DLG2: variants seen among roughly 807,000 people sequenced by gnomAD.
The protein encoded by DLG2 is disks large homolog 2.
In DLG2, 45 loss-of-function variants were observed where a neutral mutation model predicts 132.5. The observed-to-expected ratio is 0.34, with a 90% CI of 0.27 to 0.44. The LOEUF is 0.44. DLG2 is among the 20% of genes least tolerant of loss of function. The probability of loss-of-function intolerance (pLI) is 1.00; values close to 1 mark genes in which losing one functional copy is unlikely to be tolerated. For missense variants in DLG2, 1,045 were observed against 1,196.9 expected (o/e 0.87, Z 1.87); for synonymous variants, 424 against 419.6 (o/e 1.01, Z -0.13).
At chr11:83,668,505 G>A (rs2153567106) in intron 18 of DLG2, among the ~76,000 whole-genome samples, 1 of 152,132 alleles carries the variant, frequency 6.6e-6, no homozygotes, top group Non-Finnish European at 1.5e-5. Context: ...CTACTAAGTA[G>A]AGGTAATCAC....
chr11:84,618,183 T>C (rs926379283), intron 6 of DLG2, among the ~76,000 whole-genome samples: 2 of 151,886 alleles, frequency 1.3e-5, no homozygotes, highest in African/African-American at 4.8e-5. Flanking sequence ...TATGAGTAAG[T>C]AGAAGGAAAG....
At chr11:84,423,022 A>T (rs1369097757) in intron 7 of DLG2, among the ~76,000 whole-genome samples, 1 of 152,180 alleles carries the variant, frequency 6.6e-6, no homozygotes, top group African/African-American at 2.4e-5. Context: ...ACATTCTCAG[A>T]ATAACTGTAA....
At chr11:85,079,596 C>T (rs2066986967) in intron 6 of DLG2, among the ~76,000 whole-genome samples, 1 of 151,740 alleles carries the variant, frequency 6.6e-6, no homozygotes, top group South Asian at 2.1e-4. Context: ...CAAGGCGGCA[C>T]AGCTGCCTGC....
chr11:84,988,720 G>A (rs1199201575), intron 6 of DLG2, among the ~76,000 whole-genome samples: 1 of 152,132 alleles, frequency 6.6e-6, no homozygotes, highest in Non-Finnish European at 1.5e-5. Flanking sequence ...AACTCAGTGG[G>A]GAAAGGATGG....
intron 3 of DLG2, among the ~76,000 whole-genome samples, chr11:85,483,712 G>A (rs768020732): frequency 2.6e-5 from 4 of 152,008 alleles, no homozygotes; most frequent in Non-Finnish European, 5.9e-5. Context: ...GGGATGCCAA[G>A]GCAGGTAGAT....
At chr11:84,872,467 T>C (rs551768837) in intron 6 of DLG2, among the ~76,000 whole-genome samples, 12 of 152,242 alleles carry the variant, frequency 7.9e-5, no homozygotes, top group South Asian at 6.2e-4. Context: ...GTTTGGGAGA[T>C]AGTCATGTAG....
At chr11:84,891,515 G>A (rs1307347719) in intron 6 of DLG2, among the ~76,000 whole-genome samples, 4 of 152,090 alleles carry the variant, frequency 2.6e-5, no homozygotes, top group Non-Finnish European at 5.9e-5. Flanking sequence ...GGAAAAATAT[G>A]ACAGGAAATT....
intron 17 of DLG2, among the ~76,000 whole-genome samples, chr11:83,798,108 G>A (rs1353294431): frequency 6.6e-6 from 1 of 152,192 alleles, no homozygotes; most frequent in Non-Finnish European, 1.5e-5. Context: ...GCTCATGGCT[G>A]CCAAGGTTTT....
At chr11:85,494,756 T>A (rs1218990656) in intron 3 of DLG2, among the ~76,000 whole-genome samples, 2 of 151,950 alleles carry the variant, frequency 1.3e-5, no homozygotes, top group African/African-American at 4.8e-5. Flanking sequence ...TAAAAGAAAG[T>A]TAAGACGAAA....
At chr11:84,659,300 A>G (rs535123777) in intron 6 of DLG2, among the ~76,000 whole-genome samples, 344 of 152,122 alleles carry the variant, frequency 2.3e-3, no homozygotes, top group African/African-American at 7.7e-3. Context: ...CCCTCTCTCT[A>G]AAGTGTGGGC....
intron 3 of DLG2, among the ~76,000 whole-genome samples, chr11:85,409,203 C>G (rs1280723716): frequency 6.6e-6 from 1 of 151,824 alleles, no homozygotes; most frequent in African/African-American, 2.4e-5. Flanking sequence ...ACAGATGAGA[C>G]AAATAGGGTA....
intron 6 of DLG2, among the ~76,000 whole-genome samples, chr11:84,770,000 G>C (rs988827907): frequency 7.2e-5 from 11 of 152,186 alleles, no homozygotes; most frequent in African/African-American, 2.7e-4. Flanking sequence ...CAAATCTCAT[G>C]TTAAAATATA....
At chr11:85,395,908 C>T (rs2087309004) in intron 3 of DLG2, among the ~76,000 whole-genome samples, 1 of 152,182 alleles carries the variant, frequency 6.6e-6, no homozygotes, top group African/African-American at 2.4e-5. Flanking sequence ...CTGAAGAGAC[C>T]AGTGGTTCTC....
At chr11:85,502,324 G>C (rs1486638778) in intron 3 of DLG2, among the ~76,000 whole-genome samples, 1 of 151,840 alleles carries the variant, frequency 6.6e-6, no homozygotes, top group Non-Finnish European at 1.5e-5. Context: ...GTAGGTGATG[G>C]GTTGATGGGT....
chr11:85,177,263 T>TTATATATATATATATATA, intron 4 of DLG2, among the ~76,000 whole-genome samples: 1 of 137,070 alleles, frequency 7.3e-6, no homozygotes, highest in African/African-American at 3.0e-5. Context: ...GTATATGTAT[T>TTATATATATATATATATA]TATATATATA....
chr11:85,525,174 C>G (rs1311377419), intron 3 of DLG2, among the ~76,000 whole-genome samples: 1 of 152,060 alleles, frequency 6.6e-6, no homozygotes, highest in Non-Finnish European at 1.5e-5. Flanking sequence ...AATTTAAAAT[C>G]CTTTGATTAT....
At chr11:84,973,578 A>T (rs2154115756) in intron 6 of DLG2, among the ~76,000 whole-genome samples, 1 of 152,292 alleles carries the variant, frequency 6.6e-6, no homozygotes, top group Non-Finnish European at 1.5e-5. Context: ...TTTCATTATC[A>T]CTGAGGATTC....
intron 7 of DLG2, among the ~76,000 whole-genome samples, chr11:84,493,720 T>C (rs2154498591): frequency 6.6e-6 from 1 of 152,194 alleles, no homozygotes; most frequent in Admixed American, 6.6e-5. Context: ...CTTTCAACTG[T>C]AAAATGAGGA....
intron 18 of DLG2, among the ~76,000 whole-genome samples, chr11:83,721,324 T>C (rs916045778): frequency 2.0e-5 from 3 of 152,244 alleles, no homozygotes; most frequent in Non-Finnish European, 2.9e-5. Flanking sequence ...TTCATTACCA[T>C]GATTTGAGTA....
Sources: gnomAD v4.1 joint callset for allele counts (sites outside exome capture counted in the v4.1 genomes callset) on GRCh38, gnomAD v4.1.1 for gene constraint, MANE v1.5 for transcripts, NCBI Gene and HGNC (gene_info 2026-07-23, HGNC 2026-07-21) for gene names.